GPHN: variants seen among roughly 807,000 people sequenced by gnomAD.
GPHN encodes gephyrin.
Under a neutral mutation model 95.5 loss-of-function variants are expected in GPHN, and 17 were observed. That is an observed-to-expected ratio of 0.18 (90% CI 0.12 to 0.27). GPHN has a LOEUF of 0.27. GPHN is among the 10% of genes least tolerant of loss of function. The pLI is 1.00. For missense variants in GPHN, 660 were observed against 978.1 expected (o/e 0.67, Z 4.34); for synonymous variants, 320 against 322.5 (o/e 0.99, Z 0.08).
At chr14:67,377,452 C>G in the GPHN span, among the ~76,000 whole-genome samples, 1 of 152,180 alleles carries the variant, frequency 6.6e-6, no homozygotes, top group Non-Finnish European at 1.5e-5. Flanking sequence ...TGCTCCCTGC[C>G]TCTTGGCTGG....
At chr14:67,342,238 A>T in the GPHN span, among the ~76,000 whole-genome samples, 1 of 151,284 alleles carries the variant, frequency 6.6e-6, no homozygotes. Flanking sequence ...AAAAACACAA[A>T]GAAAAAAAGT....
chr14:67,678,557 C>T, the GPHN span: 1 of 592,350 alleles, frequency 1.7e-6, no homozygotes, highest in Admixed American at 2.9e-5. Context: ...CAGTGTTTGT[C>T]CTTATCTCTT....
At chr14:66,894,519 A>G (rs1413563955) in intron 5 of GPHN, among the ~76,000 whole-genome samples, 1 of 152,212 alleles carries the variant, frequency 6.6e-6, no homozygotes, top group Non-Finnish European at 1.5e-5. Context: ...ATGGGATCTA[A>G]TTAAACTAAA....
the GPHN span, among the ~76,000 whole-genome samples, chr14:67,233,488 G>A: frequency 6.6e-6 from 1 of 152,192 alleles, no homozygotes; most frequent in Non-Finnish European, 1.5e-5. Context: ...GCTTTTCCGT[G>A]AGAAAGAAAT....
rs546684587 is a variant in GPHN, at chr14:66,994,953, A to G, written c.964-28680A>G. Among the ~76,000 whole-genome samples the G allele has an allele frequency of 9.8e-5, 15 of 152,326 alleles. No homozygotes were observed. In the East Asian group the frequency reaches 2.7e-3, roughly 27 times the overall value. On this transcript the variant is annotated intron_variant, in intron 9 of 22. Coordinates refer to ENST00000478722, the MANE Select transcript of GPHN (RefSeq NM_020806.5). Reference sequence around the variant, plus strand: ...TTGTATATTCATTTATTAAATAAACATATATTGAGCACCTACTACATTCTG... The same window carrying G: ...TTGTATATTCATTTATTAAATAAACGTATATTGAGCACCTACTACATTCTG...
intron 2 of GPHN, among the ~76,000 whole-genome samples, chr14:66,748,290 G>A (rs2058234608): frequency 6.6e-6 from 1 of 151,896 alleles, no homozygotes; most frequent in Non-Finnish European, 1.5e-5. Context: ...GCTTTCTATG[G>A]TATATGGAAT....
At chr14:67,365,873 A>G in the GPHN span, among the ~76,000 whole-genome samples, 1 of 152,098 alleles carries the variant, frequency 6.6e-6, no homozygotes, top group Admixed American at 6.6e-5. Flanking sequence ...TTTTTTTATT[A>G]TAGCCTTAGA....
At chr14:66,760,923 CT>C in intron 2 of GPHN, 1 of 946,410 alleles carries the variant, frequency 1.1e-6, no homozygotes, top group Non-Finnish European at 1.6e-6. Flanking sequence ...AAACATCCAT[CT>C]TATCCGAGCC....
At chr14:67,605,316 T>C in the GPHN span, among the ~76,000 whole-genome samples, 1 of 152,228 alleles carries the variant, frequency 6.6e-6, no homozygotes, top group African/African-American at 2.4e-5. Flanking sequence ...TCTGATATTC[T>C]CATAAATGAT....
At chr14:67,478,360 A>G in the GPHN span, among the ~76,000 whole-genome samples, 3 of 152,222 alleles carry the variant, frequency 2.0e-5, no homozygotes, top group East Asian at 5.8e-4. Flanking sequence ...CCTCTTAAAT[A>G]TCTTTGGGAT....
the GPHN span, chr14:67,575,683 G>C: frequency 1.4e-6 from 1 of 733,938 alleles, no homozygotes; most frequent in East Asian, 2.7e-5. Context: ...GCCTGGCTGG[G>C]ATGCTATAGT....
At chr14:66,759,613 T>C (rs1172722535) in intron 2 of GPHN, among the ~76,000 whole-genome samples, 1 of 152,222 alleles carries the variant, frequency 6.6e-6, no homozygotes, top group Non-Finnish European at 1.5e-5. Context: ...TTTAAGCCTG[T>C]TGGTGTAACG....
chr14:67,716,169 C>T, the GPHN span, among the ~76,000 whole-genome samples: 5 of 151,040 alleles, frequency 3.3e-5, no homozygotes, highest in African/African-American at 7.3e-5. Context: ...TGCACTCCAG[C>T]CTGGACGACA....
chr14:67,236,349 T>C, the GPHN span, among the ~76,000 whole-genome samples: 3 of 152,212 alleles, frequency 2.0e-5, no homozygotes, highest in African/African-American at 7.2e-5. Context: ...CTTCACTAGA[T>C]AGTAAAGCTC....
At chr14:66,689,920 G>T (rs2067662445) in intron 2 of GPHN, among the ~76,000 whole-genome samples, 2 of 151,112 alleles carry the variant, frequency 1.3e-5, no homozygotes, top group South Asian at 2.1e-4. Context: ...TTTTTATCTT[G>T]GTTTATTTGG....
intron 11 of GPHN, among the ~76,000 whole-genome samples, chr14:67,085,012 A>G (rs1275143842): frequency 6.6e-6 from 1 of 152,204 alleles, no homozygotes; most frequent in Non-Finnish European, 1.5e-5. Flanking sequence ...TTATAATAGG[A>G]TATGTTTATT....
chr14:67,567,637 C>T, the GPHN span, among the ~76,000 whole-genome samples: 17 of 152,222 alleles, frequency 1.1e-4, no homozygotes, highest in Admixed American at 9.8e-4. Context: ...GTGATCTCAG[C>T]GTCTCATGGC....
chr14:67,224,644 G>A, the GPHN span: 1 of 300,066 alleles, frequency 3.3e-6, no homozygotes, highest in Non-Finnish European at 6.5e-6. Context: ...TTTACAGTGA[G>A]CCCAAATTAT....
chr14:67,452,931 T>TCCAACCCTAG, the GPHN span, among the ~76,000 whole-genome samples: 1 of 152,178 alleles, frequency 6.6e-6, no homozygotes, highest in African/African-American at 2.4e-5. Context: ...TTTTTCTCCC[T>TCCAACCCTAG]CCAACCCTAG....
Sources: allele counts gnomAD v4.1 joint callset (sites outside exome capture counted in the v4.1 genomes callset), GRCh38; gene constraint gnomAD v4.1.1; transcripts MANE v1.5; gene names NCBI Gene and HGNC (gene_info 2026-07-23, HGNC 2026-07-21).